LRRTM4: variants seen among roughly 807,000 people sequenced by gnomAD.
The protein encoded by LRRTM4 is leucine rich repeat transmembrane neuronal 4.
In LRRTM4, 25 loss-of-function variants were observed where a neutral mutation model predicts 47.6. The ratio of observed to expected loss-of-function variants is 0.53; its 90% confidence interval spans 0.38 to 0.73. The LOEUF (loss-of-function observed/expected upper bound fraction) is 0.73, where lower values mean the gene tolerates loss of function less well. Among genes scored for constraint, LRRTM4 ranks in the 30% least tolerant of loss-of-function variants. The pLI, the probability that LRRTM4 is intolerant of heterozygous loss-of-function variation, is 0.00. For synonymous variants in LRRTM4, 311 were observed against 269.5 expected, an observed-to-expected ratio of 1.15 and a Z score of -1.51; for missense variants, 638 against 713.4, an observed-to-expected ratio of 0.89 and a Z score of 1.20.
At chr2:76,996,444 G>A (rs960580804) in intron 3 of LRRTM4, among the ~76,000 whole-genome samples, 2 of 151,938 alleles carry the variant, frequency 1.3e-5, no homozygotes, top group Admixed American at 1.3e-4. Flanking sequence ...TATTTCAGAG[G>A]TAAAATAAAA....
chr2:77,164,198 T>A (rs1672813739), intron 3 of LRRTM4, among the ~76,000 whole-genome samples: 1 of 151,852 alleles, frequency 6.6e-6, no homozygotes, highest in Admixed American at 6.6e-5. Context: ...CCAACAAAGA[T>A]CAAAAGAGAC....
chr2:77,113,684 G>A (rs1208945640), intron 3 of LRRTM4, among the ~76,000 whole-genome samples: 1 of 152,064 alleles, frequency 6.6e-6, no homozygotes, highest in Admixed American at 6.6e-5. Flanking sequence ...GGTGATTACT[G>A]GTATCCATGT....
intron 3 of LRRTM4, among the ~76,000 whole-genome samples, chr2:77,063,037 C>T (rs1446699881): frequency 1.3e-5 from 2 of 150,788 alleles, no homozygotes; most frequent in Non-Finnish European, 2.9e-5. Flanking sequence ...TCACTGCAAC[C>T]TCCACCTCCA....
intron 3 of LRRTM4, among the ~76,000 whole-genome samples, chr2:77,086,418 A>ATG (rs560996552): frequency 0.29 from 37,687 of 129,440 alleles, 5,114 homozygotes; most frequent in African/African-American, 0.47. Context: ...TAGTGTGTGT[A>ATG]TGTGTGTGTA....
intron 3 of LRRTM4, among the ~76,000 whole-genome samples, chr2:77,263,525 A>T (rs556989732): frequency 1.3e-4 from 20 of 152,246 alleles, no homozygotes; most frequent in African/African-American, 3.6e-4. Context: ...CCAGATGGAT[A>T]GTTTCAAAAT....
chr2:76,933,264 C>A (rs1047212434), intron 3 of LRRTM4, among the ~76,000 whole-genome samples: 2 of 152,016 alleles, frequency 1.3e-5, no homozygotes, highest in African/African-American at 4.8e-5. Context: ...GTTTCTATTT[C>A]TAAAACAATA....
chr2:76,770,810 T>TTAAATA (rs1242305664), intron 3 of LRRTM4, among the ~76,000 whole-genome samples: 8 of 152,210 alleles, frequency 5.3e-5, no homozygotes, highest in Non-Finnish European at 7.3e-5. Flanking sequence ...TGTCTCCATT[T>TTAAATA]TCATGCATTT....
chr2:77,007,620 T>C (rs1235583926), intron 3 of LRRTM4, among the ~76,000 whole-genome samples: 6 of 152,224 alleles, frequency 3.9e-5, no homozygotes, highest in Non-Finnish European at 7.3e-5. Context: ...TACTAACTTG[T>C]ACATTTGGCT....
intron 3 of LRRTM4, among the ~76,000 whole-genome samples, chr2:77,031,150 CA>C (rs1428834899): frequency 6.6e-6 from 1 of 151,902 alleles, no homozygotes; most frequent in Admixed American, 6.6e-5. Flanking sequence ...ATTTATATAG[CA>C]AAATATCTAT....
At position 77,296,615 on chromosome 2, in the gene LRRTM4, G is replaced by C. The variant is rs538251418; in HGVS notation, c.1551+221703C>G. On this transcript the variant is annotated intron_variant, in intron 3 of 3. Coordinates refer to ENST00000409884, the MANE Select transcript of LRRTM4 (RefSeq NM_001134745.3). ...TATATAAAAGGCATACATTTATTTG[G>C]GACAAGTAAACAAGGTATAATTGGA... Among the ~76,000 whole-genome samples, 4 of 151,846 alleles carry C rather than the reference G, an allele frequency of 2.6e-5. No individual in the cohort carries two copies. The South Asian group carries it at 6.2e-4, about 24-fold the overall frequency.
At chr2:76,930,731 G>C (rs1674743277) in intron 3 of LRRTM4, among the ~76,000 whole-genome samples, 1 of 152,156 alleles carries the variant, frequency 6.6e-6, no homozygotes, top group African/African-American at 2.4e-5. Context: ...TTCCTCACTA[G>C]ATAAAGTCAT....
intron 3 of LRRTM4, among the ~76,000 whole-genome samples, chr2:76,973,688 C>T (rs2860933): frequency 0.25 from 38,164 of 151,700 alleles, 6,225 homozygotes; most frequent in African/African-American, 0.46. Context: ...AACCCATTTA[C>T]GTAATTTTCC....
chr2:77,237,564 T>C (rs546839233), intron 3 of LRRTM4, among the ~76,000 whole-genome samples: 34 of 152,252 alleles, frequency 2.2e-4, no homozygotes, highest in East Asian at 1.5e-3. Context: ...TGAGTTCTGA[T>C]TTGATTTTAG....
chr2:77,070,650 G>C (rs1427253329), intron 3 of LRRTM4, among the ~76,000 whole-genome samples: 1 of 151,904 alleles, frequency 6.6e-6, no homozygotes, highest in Non-Finnish European at 1.5e-5. Flanking sequence ...GTTGTTTTGA[G>C]ACAGAGTTTT....
At chr2:76,915,793 A>G (rs1017765941) in intron 3 of LRRTM4, among the ~76,000 whole-genome samples, 4 of 152,216 alleles carry the variant, frequency 2.6e-5, no homozygotes, top group African/African-American at 9.6e-5. Context: ...TTAAATAGTT[A>G]TAAGAAAGTG....
chr2:77,379,425 A>T (rs998552376), intron 3 of LRRTM4, among the ~76,000 whole-genome samples: 5 of 152,156 alleles, frequency 3.3e-5, no homozygotes, highest in Admixed American at 3.3e-4. Context: ...TCCTCCAATT[A>T]TATCTGACAT....
chr2:77,366,094 T>C (rs1055325514), intron 3 of LRRTM4, among the ~76,000 whole-genome samples: 1 of 151,686 alleles, frequency 6.6e-6, no homozygotes, highest in Admixed American at 6.6e-5. Context: ...ATGAATATAA[T>C]GAATCTCCTA....
intron 3 of LRRTM4, among the ~76,000 whole-genome samples, chr2:77,169,931 A>G (rs564686355): frequency 1.3e-5 from 2 of 152,214 alleles, no homozygotes; most frequent in East Asian, 3.9e-4. Context: ...TGCTGCTATC[A>G]CTCATGGTTA....
At chr2:77,058,833 A>G (rs1242317009) in intron 3 of LRRTM4, among the ~76,000 whole-genome samples, 14 of 152,178 alleles carry the variant, frequency 9.2e-5, no homozygotes, top group Admixed American at 9.2e-4. Context: ...TATTACTTAT[A>G]TCAATCTAAT....
Sources: allele counts gnomAD v4.1 joint callset (sites outside exome capture counted in the v4.1 genomes callset), GRCh38; gene constraint gnomAD v4.1.1; transcripts MANE v1.5; gene names NCBI Gene and HGNC (gene_info 2026-07-23, HGNC 2026-07-21).